LRIG3: variants seen among roughly 807,000 people sequenced by gnomAD.
LRIG3 encodes leucine rich repeats and immunoglobulin like domains 3, also known as leucine-rich repeats and immunoglobulin-like domains protein 3.
In LRIG3, 76 loss-of-function variants were observed where a neutral mutation model predicts 114.5. The ratio of observed to expected loss-of-function variants is 0.66; its 90% confidence interval spans 0.55 to 0.80. LRIG3 has a LOEUF of 0.80. LRIG3 is among the 30% of genes least tolerant of loss of function. The pLI is 0.00. For missense variants in LRIG3, 1,239 were observed against 1,382.8 expected (o/e 0.90, Z 1.65); for synonymous variants, 512 against 519.8 (o/e 0.98, Z 0.20).
intron 7 of LRIG3, 53 bp from the exon 8 acceptor site, chr12:58,887,985 T>C (rs1871332007): frequency 4.5e-6 from 7 of 1,547,296 alleles, no homozygotes; most frequent in Non-Finnish European, 6.2e-6. Context: ...TTCAACACAA[T>C]GATTTGTTTT....
intron 3 of LRIG3, among the ~76,000 whole-genome samples, chr12:58,903,818 A>G (rs1357371532): frequency 6.6e-6 from 1 of 152,054 alleles, no homozygotes; most frequent in Non-Finnish European, 1.5e-5. Context: ...TTTATTAAAT[A>G]GGGAATCCTT....
At chr12:58,908,949 C>T (rs371892318) in intron 3 of LRIG3, among the ~76,000 whole-genome samples, 7 of 152,108 alleles carry the variant, frequency 4.6e-5, no homozygotes, top group Admixed American at 6.5e-5. Context: ...TTAATTACTG[C>T]GTAAGTTGGA....
intron 3 of LRIG3, among the ~76,000 whole-genome samples, chr12:58,896,176 T>C (rs1272955399): frequency 6.6e-6 from 1 of 152,208 alleles, no homozygotes; most frequent in Non-Finnish European, 1.5e-5. Flanking sequence ...TGCTAGTTTG[T>C]TCGGATACTC....
chr12:58,899,712 CTGA>C (rs1259534004), intron 3 of LRIG3, among the ~76,000 whole-genome samples: 1 of 152,162 alleles, frequency 6.6e-6, no homozygotes, highest in Non-Finnish European at 1.5e-5. Flanking sequence ...CTTCAAAAGT[CTGA>C]TGATCACTGG....
intron 12 of LRIG3, 41 bp from the exon 13 acceptor site, chr12:58,880,942 CTCAAGAG>C: frequency 6.4e-7 from 1 of 1,567,538 alleles, no homozygotes; most frequent in Non-Finnish European, 8.7e-7. Flanking sequence ...AATGTTAAGG[CTCAAGAG>C]TCCAAATACT....
At chr12:58,905,401 T>C (rs1297227788) in intron 3 of LRIG3, among the ~76,000 whole-genome samples, 1 of 152,210 alleles carries the variant, frequency 6.6e-6, no homozygotes, top group Non-Finnish European at 1.5e-5. Flanking sequence ...ACATTTAAAA[T>C]CCAATAAAAG....
At chr12:58,909,346 GAAC>G (rs1872185394) in intron 3 of LRIG3, among the ~76,000 whole-genome samples, 1 of 152,164 alleles carries the variant, frequency 6.6e-6, no homozygotes, top group African/African-American at 2.4e-5. Context: ...CTACATTAAA[GAAC>G]AATTGCCAGA....
chr12:58,888,694 G>A, intron 6 of LRIG3, 125 bp downstream of exon 6: 1 of 1,377,044 alleles, frequency 7.3e-7, no homozygotes, highest in Non-Finnish European at 9.9e-7. Flanking sequence ...ACTGAATACT[G>A]ACTTATAAAT....
chr12:58,889,970 A>T (rs1433351695), intron 5 of LRIG3, 26 bp downstream of exon 5: 1 of 1,608,836 alleles, frequency 6.2e-7, no homozygotes, highest in East Asian at 2.2e-5. Flanking sequence ...GGTGAGAAAC[A>T]GTATCTAAGA....
intron 10 of LRIG3, among the ~76,000 whole-genome samples, chr12:58,884,444 G>C (rs1871210806): frequency 6.6e-6 from 1 of 152,136 alleles, no homozygotes; most frequent in African/African-American, 2.4e-5. Flanking sequence ...GAAGAGGCTG[G>C]GGCAATCAAG....
intron 11 of LRIG3, 122 bp from the exon 12 acceptor site, chr12:58,883,154 A>G (rs1256653541): frequency 3.3e-6 from 3 of 896,528 alleles, no homozygotes; most frequent in African/African-American, 3.4e-5. Flanking sequence ...CATCCCATGG[A>G]ATAAGTATCC....
chr12:58,876,542 G>C lies in LRIG3; in HGVS notation c.2598C>G (p.Asp866Glu). The part of the protein sequence containing the change: ...SYLSSQGTLA[D>E]RQDGYVSSES... ...CTGAAGACACGTACCCATCCTGCCTGTCAGCTAACGTTCCCTGAGATGACA... is the reference window on the plus strand; with the variant it reads ...CTGAAGACACGTACCCATCCTGCCTCTCAGCTAACGTTCCCTGAGATGACA... The change falls in exon 16 of 19, where the codon GAC becomes GAG. Residue 866 changes from aspartate to glutamate, a missense_variant. By Grantham distance (45) the Asp-to-Glu change is conservative. Transcript: ENST00000320743. 6.2e-7 allele frequency: 1 copy of C among 1,614,160 alleles called. No homozygotes were observed. Among genetic ancestry groups the C allele is most frequent in the East Asian group, 2.2e-5 (1 of 44,878 alleles).
chr12:58,890,039 C>G lies in LRIG3; in HGVS notation c.616G>C (p.Ala206Pro). The change falls in exon 5 of 19, where the codon GCT (alanine) becomes CCT (proline). Residue 206 changes from alanine (A) to proline (P), a missense_variant. Ala to Pro is a conservative substitution (Grantham distance 27, BLOSUM62 -1). Coordinates refer to ENST00000320743, the MANE Select transcript of LRIG3 (RefSeq NM_153377.5). ...AGTTTAAACATCTTGGGTGGGATAGCTGAGATTCGGTTCCTGTTCAGCTTT... is the reference window on the plus strand; with the variant it reads ...AGTTTAAACATCTTGGGTGGGATAGGTGAGATTCGGTTCCTGTTCAGCTTT... ...VLKLNRNRISAIPPKMFKLPQ... is the reference protein window; with the variant it reads ...VLKLNRNRISPIPPKMFKLPQ... 6.2e-7 allele frequency: 1 copy of G among 1,613,798 alleles called. No individual in the cohort carries two copies. The highest frequency in any genetic ancestry group is 8.5e-7 in the Non-Finnish European group (1 of 1,179,816).
At chr12:58,900,304 A>G (rs1223388199) in intron 3 of LRIG3, among the ~76,000 whole-genome samples, 1 of 149,684 alleles carries the variant, frequency 6.7e-6, no homozygotes, top group Non-Finnish European at 1.5e-5. Flanking sequence ...TTTTTTGATC[A>G]ACTTCACTAT....
rs952933723 is a variant in LRIG3 at position 58,877,288 on chromosome 12, G to A, written c.2536+112C>T. On this transcript the variant is annotated intron_variant, in intron 15 of 18. Transcript: ENST00000320743. ...CATATTTCTGCAGCTTGAAACAAAT[G>A]AGTCACCCTTCTGAGATGAACTCAG... The A allele has an allele frequency of 3.8e-6, 4 of 1,046,058 alleles. No individual in the cohort carries two copies. The African/African-American group carries it at 6.4e-5, about 17-fold the overall frequency. The allele number at this position is 1,046,058 out of a possible 1,614,324, so 64.8% of individuals were successfully genotyped here.
chr12:58,898,770 A>G (rs61921897), intron 3 of LRIG3, among the ~76,000 whole-genome samples: 1,539 of 150,262 alleles, frequency 0.01, 17 homozygotes, highest in Middle Eastern at 0.021. Flanking sequence ...GCAATTCTCC[A>G]GCCTCAGCCT....
chr12:58,875,631 C>A (rs2033412864), intron 16 of LRIG3, among the ~76,000 whole-genome samples: 1 of 152,160 alleles, frequency 6.6e-6, no homozygotes, highest in African/African-American at 2.4e-5. Context: ...TTGTATGTGC[C>A]CCACAGTACA....
chr12:58,876,596 G>T lies in LRIG3; in HGVS notation c.2544C>A (p.Thr848=). 1 of 1,614,066 alleles carries T rather than the reference G, an allele frequency of 6.2e-7. No homozygotes were observed. The highest frequency in any genetic ancestry group is 1.1e-5 in the South Asian group (1 of 91,072). The change falls in exon 16 of 19, where the codon ACC becomes ACA. Residue 848 remains threonine, a synonymous_variant. Transcript: ENST00000320743. ...EDCSITNTDE[T]NLPADIPSYL... ...AACTAGGAATATCTGCTGGCAAGTT[G>T]GTCTCATCTGTAATAAAACAGCAGC... is the stretch of plus-strand genomic sequence containing the variant.
At chr12:58,875,773 C>G (rs1364906278) in intron 16 of LRIG3, among the ~76,000 whole-genome samples, 1 of 152,246 alleles carries the variant, frequency 6.6e-6, no homozygotes, top group Non-Finnish European at 1.5e-5. Context: ...GGTGCGGTGG[C>G]TCACGCCTGT....
Sources: allele counts gnomAD v4.1 joint callset (sites outside exome capture counted in the v4.1 genomes callset), GRCh38; gene constraint gnomAD v4.1.1; transcripts MANE v1.5; gene names NCBI Gene and HGNC (gene_info 2026-07-23, HGNC 2026-07-21).